Variants in URGCP observed in about 807,000 individuals in gnomAD.
URGCP encodes up-regulator of cell proliferation.
URGCP carries 13 observed loss-of-function variants against 24.6 expected under a neutral mutation model. The ratio of observed to expected loss-of-function variants is 0.53; its 90% CI spans 0.34 to 0.84. URGCP has a LOEUF of 0.84. Ranked by LOEUF, URGCP falls within the 40% of genes least tolerant of loss-of-function variation. The pLI, the probability that URGCP is intolerant of heterozygous loss-of-function variation, is 0.01. For synonymous variants in URGCP, 444 were observed against 487.2 expected (o/e 0.91, Z 1.17); for missense variants, 899 against 1,194.3 (o/e 0.75, Z 3.64).
chr7:43,883,356 A>ATTT (rs1426251879), intron 3 of URGCP, among the ~76,000 whole-genome samples: 27 of 96,836 alleles, frequency 2.8e-4, no homozygotes, highest in African/African-American at 3.6e-4. Flanking sequence ...ATATATATAT[A>ATTT]TATATATTTT....
intron 1 of URGCP, among the ~76,000 whole-genome samples, chr7:43,891,728 G>A (rs2095871017): frequency 6.6e-6 from 1 of 152,064 alleles, no homozygotes; most frequent in Non-Finnish European, 1.5e-5. Context: ...TGATTCTTAT[G>A]CCTCAGCCAT....
intron 1 of URGCP, chr7:43,920,092 C>G: frequency 1.7e-6 from 2 of 1,152,836 alleles, no homozygotes; most frequent in East Asian, 2.4e-5. Flanking sequence ...ATCTGCCTTA[C>G]TGGTTGACCA....
At position 43,878,726 on chromosome 7, in the gene URGCP, C is replaced by A. The variant is rs765286688; in HGVS notation, c.737G>T (p.Gly246Val). 6.2e-7 allele frequency: 1 copy of A among 1,614,148 alleles called. No individual in the cohort carries two copies. Among genetic ancestry groups the A allele is most frequent in the Non-Finnish European group, 8.5e-7 (1 of 1,180,010 alleles). ...GCTGTCTTCCCGGAAGCTCCCCATG[C>A]CCCTTGGGGGCTGGGACCACCATGT... The part of the protein sequence containing the change: ...VRTWWSQPPR[G>V]MGSFREDSVV... Residue 246 changes from glycine (G) to valine (V), a missense_variant, in exon 6 of 6, where the codon GGC becomes GTC. By Grantham distance (109) the Gly-to-Val change is moderately radical. Transcript: ENST00000453200. The surrounding 1 kb of genome is among the most constrained non-coding windows in gnomAD (Gnocchi z 5.6).
chr7:43,895,695 C>T (rs1018703351), intron 1 of URGCP, among the ~76,000 whole-genome samples: 2 of 152,128 alleles, frequency 1.3e-5, no homozygotes, highest in African/African-American at 4.8e-5. Flanking sequence ...CAAACAAAAA[C>T]CAATGCTGGT....
chr7:43,918,587 A>T (rs1438614911), intron 1 of URGCP: 3 of 450,140 alleles, frequency 6.7e-6, no homozygotes, highest in Non-Finnish European at 8.2e-6. Flanking sequence ...AGACCCCAAA[A>T]TAGGATTTTC....
In URGCP at chr7:43,878,336, A is replaced by G; in HGVS notation, c.1127T>C (p.Met376Thr). 2 of 1,614,216 alleles carry G rather than the reference A, an allele frequency of 1.2e-6. No homozygotes were observed. The highest frequency in any genetic ancestry group is 1.7e-6 in the Non-Finnish European group (2 of 1,180,042). ...SKKEYKLLYSMKESTTKYYFI... is the reference protein window; with the variant it reads ...SKKEYKLLYSTKESTTKYYFI... ...GTAGTATTTTGTGGTTGACTCCTTC[A>G]TGGAGTACAGCAATTTGTATTCCTT... The change falls in exon 6 of 6, where the codon ATG becomes ACG. Residue 376 changes from methionine to threonine, a missense_variant. By Grantham distance (81) the Met-to-Thr change is moderately conservative (BLOSUM62 -1). Coordinates refer to ENST00000453200, the MANE Select transcript of URGCP (RefSeq NM_001077663.3). The surrounding 1 kb of genome is among the most constrained non-coding windows in gnomAD (Gnocchi z 5.6).
intron 1 of URGCP, 82 bp downstream of exon 1, chr7:43,906,480 C>T (rs2095903242): frequency 2.7e-6 from 3 of 1,114,820 alleles, no homozygotes; most frequent in South Asian, 4.0e-5. Flanking sequence ...AGACCAGAGC[C>T]CGCAGGCCAG....
intron 5 of URGCP, 147 bp from the exon 6 acceptor site, chr7:43,879,407 T>C (rs2095850673): frequency 1.1e-6 from 1 of 926,704 alleles, no homozygotes; most frequent in Admixed American, 2.9e-5. Context: ...GCTCAGGGTG[T>C]GCTCAAGGCT....
Position 43,881,437 on chromosome 7 carries a change from G to A in URGCP, c.202+222C>T, listed in dbSNP as rs185934647. 2.8e-3 allele frequency among the ~76,000 whole-genome samples: 430 copies of A among 151,708 alleles called. 1 individual carries two copies. The highest frequency in any genetic ancestry group is 5.4e-3 in the Non-Finnish European group (364 of 68,000). Reference sequence around the variant, plus strand: ...TGAGTATGTTGGGTGGTGGAGGGGGGGCCTGGTTACTCTATGTGGTTAGCA... The same window carrying A: ...TGAGTATGTTGGGTGGTGGAGGGGGAGCCTGGTTACTCTATGTGGTTAGCA... On this transcript the variant is annotated intron_variant, in intron 5 of 5. Transcript: ENST00000453200.
chr7:43,885,356 C>T (rs879448182), intron 3 of URGCP, among the ~76,000 whole-genome samples: 12 of 152,170 alleles, frequency 7.9e-5, no homozygotes, highest in Non-Finnish European at 1.6e-4. Flanking sequence ...CTATCTCGGC[C>T]TCCCAAAGTG....
intron 1 of URGCP, among the ~76,000 whole-genome samples, chr7:43,891,096 G>C (rs1222778723): frequency 6.6e-6 from 1 of 152,170 alleles, no homozygotes; most frequent in Non-Finnish European, 1.5e-5. Context: ...ACCGACTAGG[G>C]GAAGTCACAC....
intron 1 of URGCP, among the ~76,000 whole-genome samples, chr7:43,922,311 C>T (rs1171856965): frequency 6.6e-6 from 1 of 152,196 alleles, no homozygotes; most frequent in African/African-American, 2.4e-5. Flanking sequence ...ATCCACCTGC[C>T]TTGGCCTCCC....
Position 43,877,996 on chromosome 7 carries a change from G to A in URGCP, c.1467C>T (p.Tyr489=). ...CCTGCAGCCTCAGCTCGTCCCTTCT[G>A]TAGGCATCCGAGTCTTTGATTTTCC... ...ITRKIKDSDA[Y]RRDELRLQGD... Residue 489 remains tyrosine (Y), a synonymous_variant, in exon 6 of 6, where the codon TAC becomes TAT. Coordinates refer to ENST00000453200, the MANE Select transcript of URGCP (RefSeq NM_001077663.3). 6.2e-7 allele frequency: 1 copy of A among 1,614,230 alleles called. No individual in the cohort carries two copies. The highest frequency in any genetic ancestry group is 8.5e-7 in the Non-Finnish European group (1 of 1,180,042).
Position 43,879,044 on chromosome 7 carries a change from G to C in URGCP, c.419C>G (p.Pro140Arg). The change falls in exon 6 of 6, where the codon CCA becomes CGA. Residue 140 changes from proline (P) to arginine (R), a missense_variant. Transcript: ENST00000453200. ...CTCCTTCTCCACAGGCCTGGCGTCT[G>C]GGAGCACGTCCAGCACCATAGTGGT... ...RNTTMVLDVL[P>R]DARPVEKESQ... 1 of 1,614,218 alleles carries C rather than the reference G, an allele frequency of 6.2e-7. No individual in the cohort carries two copies. The highest frequency in any genetic ancestry group is 8.5e-7 in the Non-Finnish European group (1 of 1,180,024).
At chr7:43,897,989 C>T (rs2095881824) in intron 1 of URGCP, among the ~76,000 whole-genome samples, 1 of 152,198 alleles carries the variant, frequency 6.6e-6, no homozygotes. Context: ...CAAATTGGCA[C>T]TGACAGACTG....
intron 1 of URGCP, among the ~76,000 whole-genome samples, chr7:43,896,131 T>C (rs1262180895): frequency 6.6e-6 from 1 of 152,006 alleles, no homozygotes; most frequent in African/African-American, 2.4e-5. Context: ...ATTGAGTGAA[T>C]GGAAGTATAG....
intron 1 of URGCP, among the ~76,000 whole-genome samples, chr7:43,898,038 G>A (rs1158130295): frequency 1.3e-5 from 2 of 152,282 alleles, no homozygotes; most frequent in African/African-American, 2.4e-5. Context: ...AAGCCAGCAC[G>A]TGAGCTGGAA....
At chr7:43,924,471 T>C (rs1016804315) in intron 1 of URGCP, among the ~76,000 whole-genome samples, 3 of 152,192 alleles carry the variant, frequency 2.0e-5, no homozygotes, top group African/African-American at 4.8e-5. Flanking sequence ...TAAATAACCA[T>C]TTATATATTC....
intron 1 of URGCP, among the ~76,000 whole-genome samples, chr7:43,895,502 C>T (rs541137122): frequency 6.6e-6 from 1 of 152,298 alleles, no homozygotes; most frequent in South Asian, 2.1e-4. Context: ...ATGGCAAAAC[C>T]CTGTCTCTAT....
Sources: allele counts gnomAD v4.1 joint callset (sites outside exome capture counted in the v4.1 genomes callset), GRCh38; gene constraint gnomAD v4.1.1; non-coding constraint Gnocchi (gnomAD v3.1); transcripts MANE v1.5; gene names NCBI Gene and HGNC (gene_info 2026-07-23, HGNC 2026-07-21).